RSRC1: variants seen among roughly 807,000 people sequenced by gnomAD.
The protein encoded by RSRC1 is arginine and serine rich coiled-coil 1.
Under a neutral mutation model 49.1 loss-of-function variants are expected in RSRC1, and 39 were observed. The ratio of observed to expected loss-of-function variants is 0.79; its 90% CI spans 0.61 to 1.04. RSRC1 has a LOEUF of 1.04. RSRC1 is among the 50% of genes least tolerant of loss of function. The pLI is 0.00. For missense variants in RSRC1, 388 were observed against 402.4 expected, an observed-to-expected ratio of 0.96 and a Z score of 0.31; for synonymous variants, 143 against 130.8, an observed-to-expected ratio of 1.09 and a Z score of -0.63.
At chr3:158,412,394 C>G (rs918123028) in intron 6 of RSRC1, among the ~76,000 whole-genome samples, 1 of 152,052 alleles carries the variant, frequency 6.6e-6, no homozygotes, top group Non-Finnish European at 1.5e-5. Flanking sequence ...AGTTTGATTC[C>G]TTTTCTTGGC....
At chr3:158,399,491 C>T (rs914143018) in intron 6 of RSRC1, among the ~76,000 whole-genome samples, 5 of 152,106 alleles carry the variant, frequency 3.3e-5, no homozygotes, top group African/African-American at 9.7e-5. Flanking sequence ...AGAACTGAGG[C>T]ATACAGGTTA....
chr3:158,359,986 A>G (rs1469200873), intron 6 of RSRC1, among the ~76,000 whole-genome samples: 1 of 152,056 alleles, frequency 6.6e-6, no homozygotes, highest in African/African-American at 2.4e-5. Flanking sequence ...CCTCTCTGCT[A>G]GGCAGGTGGT....
At chr3:158,513,621 C>A (rs2108477541) in intron 7 of RSRC1, among the ~76,000 whole-genome samples, 1 of 152,258 alleles carries the variant, frequency 6.6e-6, no homozygotes, top group African/African-American at 2.4e-5. Context: ...CAGGATGATG[C>A]TGGCCTCATA....
At chr3:158,276,422 C>G in intron 4 of RSRC1, 1 of 729,364 alleles carries the variant, frequency 1.4e-6, no homozygotes, top group Non-Finnish European at 2.5e-6. Context: ...ATGCACCCAT[C>G]TTGGCTTACT....
At chr3:158,472,869 G>A (rs1024639679) in intron 7 of RSRC1, among the ~76,000 whole-genome samples, 5 of 152,092 alleles carry the variant, frequency 3.3e-5, no homozygotes, top group African/African-American at 1.2e-4. Context: ...TGTCAATTTT[G>A]GTTTTTGTTA....
intron 5 of RSRC1, among the ~76,000 whole-genome samples, chr3:158,353,996 T>TTTC (rs1491299784): frequency 8.0e-5 from 3 of 37,346 alleles, no homozygotes; most frequent in Non-Finnish European, 1.2e-4. Context: ...TTTCTTTTTC[T>TTTC]TTTTTTTTTT....
intron 4 of RSRC1, among the ~76,000 whole-genome samples, chr3:158,261,685 T>A (rs1008074207): frequency 4.6e-5 from 7 of 152,146 alleles, no homozygotes; most frequent in Non-Finnish European, 1.0e-4. Flanking sequence ...AGTATTAGAT[T>A]CTCATAGGAG....
intron 3 of RSRC1, among the ~76,000 whole-genome samples, chr3:158,191,209 T>C (rs955038006): frequency 6.6e-6 from 1 of 152,042 alleles, no homozygotes; most frequent in Admixed American, 6.6e-5. Flanking sequence ...AAAATTCCTT[T>C]TATTGTTATC....
At chr3:158,481,253 A>G (rs1401642888) in intron 7 of RSRC1, among the ~76,000 whole-genome samples, 1 of 152,108 alleles carries the variant, frequency 6.6e-6, no homozygotes, top group Non-Finnish European at 1.5e-5. Context: ...ATTGGTGCCC[A>G]TCACTTCCTA....
At chr3:158,312,417 A>C (rs1252928058) in intron 5 of RSRC1, among the ~76,000 whole-genome samples, 8 of 152,186 alleles carry the variant, frequency 5.3e-5, no homozygotes, top group Non-Finnish European at 1.0e-4. Context: ...TAGATATGGA[A>C]TGATGAACCA....
chr3:158,251,950 G>T (rs1179090713), intron 4 of RSRC1, among the ~76,000 whole-genome samples: 1 of 152,142 alleles, frequency 6.6e-6, no homozygotes, highest in Admixed American at 6.5e-5. Flanking sequence ...CTAGCTGTGG[G>T]TCTGTCATAT....
chr3:158,113,474 C>T (rs1028951641), intron 1 of RSRC1, among the ~76,000 whole-genome samples: 5 of 150,776 alleles, frequency 3.3e-5, no homozygotes, highest in African/African-American at 1.2e-4. Context: ...GTTCAAGCAA[C>T]TCTCCTGCCT....
chr3:158,433,294 A>C (rs1313828954), intron 6 of RSRC1, among the ~76,000 whole-genome samples: 1 of 152,002 alleles, frequency 6.6e-6, no homozygotes, highest in Non-Finnish European at 1.5e-5. Context: ...TTCAGCCAGA[A>C]ATTGTGCAAT....
At chr3:158,276,796 G>C (rs954113777) in intron 4 of RSRC1, among the ~76,000 whole-genome samples, 3 of 152,046 alleles carry the variant, frequency 2.0e-5, no homozygotes, top group Non-Finnish European at 4.4e-5. Context: ...ACTTATATCT[G>C]TCATTTGGAT....
At chr3:158,525,116 T>C (rs1201112139) in intron 7 of RSRC1, among the ~76,000 whole-genome samples, 1 of 151,818 alleles carries the variant, frequency 6.6e-6, no homozygotes, top group Non-Finnish European at 1.5e-5. Flanking sequence ...AAAGATACCA[T>C]TAAGAAACAA....
intron 7 of RSRC1, among the ~76,000 whole-genome samples, chr3:158,471,536 T>G (rs1738135738): frequency 6.6e-6 from 1 of 152,162 alleles, no homozygotes; most frequent in Non-Finnish European, 1.5e-5. Flanking sequence ...CTCTTCAAAG[T>G]AACAGTATCT....
At chr3:158,133,761 A>G (rs145517853) in intron 3 of RSRC1, among the ~76,000 whole-genome samples, 1 of 152,234 alleles carries the variant, frequency 6.6e-6, no homozygotes, top group Non-Finnish European at 1.5e-5. Flanking sequence ...TGGAAGAAGC[A>G]TTTCAAATAC....
At chr3:158,243,417 G>GT in intron 4 of RSRC1, among the ~76,000 whole-genome samples, 1 of 152,250 alleles carries the variant, frequency 6.6e-6, no homozygotes, top group South Asian at 2.1e-4. Flanking sequence ...GTCTGTTTTT[G>GT]TAACAGTACC....
chr3:158,291,474 T>G (rs1181882997), intron 4 of RSRC1, among the ~76,000 whole-genome samples: 1 of 152,194 alleles, frequency 6.6e-6, no homozygotes, highest in East Asian at 1.9e-4. Context: ...AAAGTCACTT[T>G]TCTTTTAGAT....
Sources: gnomAD v4.1 joint callset for allele counts (sites outside exome capture counted in the v4.1 genomes callset) on GRCh38, gnomAD v4.1.1 for gene constraint, MANE v1.5 for transcripts, NCBI Gene and HGNC (gene_info 2026-07-23, HGNC 2026-07-21) for gene names.